The following PIEZO2 variants were observed in gnomAD, a reference collection of about 807,000 sequenced individuals.
The protein encoded by PIEZO2 is piezo type mechanosensitive ion channel component 2, also known as piezo-type mechanosensitive ion channel component 2.
PIEZO2 carries 172 observed loss-of-function variants against 337.3 expected under a neutral mutation model. That is an observed-to-expected ratio of 0.51 (90% CI 0.45 to 0.58). The LOEUF (loss-of-function observed/expected upper bound fraction) is 0.58. PIEZO2 is among the 20% of genes least tolerant of loss of function. The probability of loss-of-function intolerance (pLI) is 0.00; values close to 1 mark genes in which losing one functional copy is unlikely to be tolerated. For missense variants in PIEZO2, 3,028 were observed against 3,391.3 expected, an observed-to-expected ratio of 0.89 and a Z score of 2.66; for synonymous variants, 1,251 against 1,228.5, an observed-to-expected ratio of 1.02 and a Z score of -0.38.
intron 18 of PIEZO2, 76 bp from the exon 19 acceptor site, chr18:10,774,114 C>T: frequency 2.9e-6 from 2 of 697,526 alleles, no homozygotes; most frequent in South Asian, 1.5e-5. Context: ...TCAGAGATCA[C>T]ATATCATGCT....
chr18:11,043,703 T>G (rs2037200046), intron 2 of PIEZO2, among the ~76,000 whole-genome samples: 1 of 152,166 alleles, frequency 6.6e-6, no homozygotes, highest in African/African-American at 2.4e-5. Context: ...TACTGATTTT[T>G]TTTTTTCTTG....
At chr18:10,927,311 C>CT (rs2031803523) in intron 3 of PIEZO2, among the ~76,000 whole-genome samples, 1 of 152,156 alleles carries the variant, frequency 6.6e-6, no homozygotes, top group African/African-American at 2.4e-5. Flanking sequence ...GAGGAGGACT[C>CT]TGATTTACGC....
chr18:10,918,471 C>T (rs779097711), intron 3 of PIEZO2, among the ~76,000 whole-genome samples: 7 of 151,786 alleles, frequency 4.6e-5, no homozygotes, highest in Non-Finnish European at 1.0e-4. Context: ...TTTATCAGTT[C>T]TTTTCATAAT....
chr18:11,079,467 G>A (rs922450818), intron 1 of PIEZO2, among the ~76,000 whole-genome samples: 2 of 152,110 alleles, frequency 1.3e-5, no homozygotes, highest in Non-Finnish European at 2.9e-5. Context: ...AAGCAACAAC[G>A]TACCCTTTTA....
chr18:11,116,381 C>T lies in PIEZO2; in HGVS notation c.64+32144G>A, dbSNP rs78510807. Among the ~76,000 whole-genome samples the T allele has an allele frequency of 8.1e-3, 1,236 of 152,144 alleles. 16 individuals are homozygous for T. The highest frequency in any genetic ancestry group is 0.028 in the African/African-American group (1,161 of 41,514). On this transcript the variant is annotated intron_variant, in intron 1 of 55. Coordinates refer to ENST00000674853, the MANE Select transcript of PIEZO2 (RefSeq NM_001378183.1). The surrounding 1 kb of genome is among the most constrained non-coding windows in gnomAD (Gnocchi z 5.0). Reference sequence around the variant, plus strand: ...TGCCCAACGGTGTGAAAATGCACCTCGACAATGCTTGGGTGATCTGTTTCT... The same window carrying T: ...TGCCCAACGGTGTGAAAATGCACCTTGACAATGCTTGGGTGATCTGTTTCT...
Position 11,128,361 on chromosome 18 carries a change from G to T in PIEZO2, c.64+20164C>A, listed in dbSNP as rs2040244991. 6.6e-6 allele frequency among the ~76,000 whole-genome samples: 1 copy of T among 152,164 alleles called. No homozygotes were observed. ...CTCTTATCATGAGAGTGGCTGACCTGCAACGAAAGATACATGCACAGCCCC... is the reference window on the plus strand; with the variant it reads ...CTCTTATCATGAGAGTGGCTGACCTTCAACGAAAGATACATGCACAGCCCC... On this transcript the variant is annotated intron_variant, in intron 1 of 55. Transcript: ENST00000674853. The surrounding 1 kb of genome is among the most constrained non-coding windows in gnomAD (Gnocchi z 4.1).
chr18:10,992,109 C>G (rs2035132866), intron 2 of PIEZO2, among the ~76,000 whole-genome samples: 2 of 152,008 alleles, frequency 1.3e-5, no homozygotes, highest in South Asian at 4.1e-4. Context: ...TGTTTAAGCT[C>G]TTTGTAGATT....
intron 1 of PIEZO2, among the ~76,000 whole-genome samples, chr18:11,091,910 C>T (rs2060699015): frequency 6.6e-6 from 1 of 152,218 alleles, no homozygotes; most frequent in African/African-American, 2.4e-5. Flanking sequence ...GGGCAAGGCT[C>T]CGCTTTCACA....
At position 10,759,475 on chromosome 18, in the gene PIEZO2, CACTT is replaced by C. The variant is rs2143842224; in HGVS notation, c.3757+3_3757+6del. ...GCACTCTGTGGCCCTGCAGTGGAAA[CACTT>C]ACAGACGAGAAACACAGGGTTGGGC... On this transcript the variant is annotated splice_donor_5th_base_variant and intron_variant, in intron 26 of 55. Coordinates refer to ENST00000674853, the MANE Select transcript of PIEZO2 (RefSeq NM_001378183.1). The surrounding 1 kb of genome is among the most constrained non-coding windows in gnomAD (Gnocchi z 5.5). 6.5e-7 allele frequency: 1 copy of C among 1,534,378 alleles called. No homozygotes were observed. The highest frequency in any genetic ancestry group is 8.7e-7 in the Non-Finnish European group (1 of 1,144,872).
chr18:10,744,626 G>T (rs1258239014), intron 30 of PIEZO2, among the ~76,000 whole-genome samples: 3 of 152,156 alleles, frequency 2.0e-5, no homozygotes, highest in African/African-American at 7.2e-5. Context: ...GGTACAGTCA[G>T]ATTCATTTTC....
rs2039653182 is a variant in PIEZO2, at chr18:10,797,497, C to T, written c.1404G>A (p.Glu468=). 3 of 1,537,046 alleles carry T rather than the reference C, an allele frequency of 2.0e-6. No individual in the cohort carries two copies. The highest frequency in any genetic ancestry group is 2.6e-6 in the Non-Finnish European group (3 of 1,146,844). Residue 468 remains glutamate, a synonymous_variant, in exon 12 of 56, where the codon GAG becomes GAA. Transcript: ENST00000674853. ...SSEKREEEEE[E]KEEFEEERSR... is the part of the protein sequence containing the mutation. ...TCCTTTCTTCTTCAAATTCTTCTTTCTCTTCCTCTTCCTCCTCTCGCTTTT... is the reference window on the plus strand; with the variant it reads ...TCCTTTCTTCTTCAAATTCTTCTTTTTCTTCCTCTTCCTCCTCTCGCTTTT...
chr18:11,086,185 G>A (rs1269351190), intron 1 of PIEZO2, among the ~76,000 whole-genome samples: 19 of 152,008 alleles, frequency 1.2e-4, no homozygotes, highest in Admixed American at 1.2e-3. Flanking sequence ...TTTTTAAAAC[G>A]GTGTCTTATT....
Position 11,048,206 on chromosome 18 carries a change from A to T in PIEZO2, c.160+17921T>A, listed in dbSNP as rs2037390017. Reference sequence around the variant, plus strand: ...CCCTTAAGGGCACAAAATACTGGCAAGCAAAAATGCAGAAAATAAATCTAG... The same window carrying T: ...CCCTTAAGGGCACAAAATACTGGCATGCAAAAATGCAGAAAATAAATCTAG... On this transcript the variant is annotated intron_variant, in intron 2 of 55. Coordinates refer to ENST00000674853, the MANE Select transcript of PIEZO2 (RefSeq NM_001378183.1). The surrounding 1 kb of genome is among the most constrained non-coding windows in gnomAD (Gnocchi z 4.5). Among the ~76,000 whole-genome samples the T allele has an allele frequency of 6.6e-6, 1 of 152,232 alleles. No homozygotes were observed. Among genetic ancestry groups the T allele is most frequent in the Non-Finnish European group, 1.5e-5 (1 of 68,040 alleles).
At chr18:10,695,064 A>G (rs999647767) in intron 47 of PIEZO2, among the ~76,000 whole-genome samples, 1 of 152,214 alleles carries the variant, frequency 6.6e-6, no homozygotes, top group Admixed American at 6.5e-5. Flanking sequence ...ACAAGGCCAC[A>G]TTCACCTTCT....
intron 4 of PIEZO2, among the ~76,000 whole-genome samples, chr18:10,881,845 T>G (rs2042428712): frequency 6.6e-6 from 1 of 152,064 alleles, no homozygotes; most frequent in African/African-American, 2.4e-5. Context: ...AAATCCAAAG[T>G]CCTCCCTCAG....
chr18:10,862,326 G>A lies in PIEZO2; in HGVS notation c.493-5115C>T, dbSNP rs1395102736. Among the ~76,000 whole-genome samples the A allele has an allele frequency of 6.6e-6, 1 of 151,612 alleles. No homozygotes were observed. Among genetic ancestry groups the A allele is most frequent in the African/African-American group, 2.4e-5 (1 of 41,244 alleles). On this transcript the variant is annotated intron_variant, in intron 5 of 55. Transcript: ENST00000674853. This position sits in a 1 kb window ranked among gnomAD's most constrained non-coding sequence, Gnocchi z 4.4. ...TGTAAGATCTCTCATTTCACATAAG[G>A]AAACTTTAGGTGCTATGGAATCAAC...
At chr18:10,959,307 T>G (rs1267709061) in intron 3 of PIEZO2, among the ~76,000 whole-genome samples, 4 of 152,194 alleles carry the variant, frequency 2.6e-5, no homozygotes, top group African/African-American at 7.2e-5. Flanking sequence ...TTTATAGAGA[T>G]TTCATCAAAA....
intron 41 of PIEZO2, among the ~76,000 whole-genome samples, chr18:10,705,063 C>CTA (rs201379444): frequency 0.014 from 2,145 of 152,220 alleles, 59 homozygotes; most frequent in African/African-American, 0.048. Flanking sequence ...TCCCGGCTTC[C>CTA]TGTTTTTCCT....
At chr18:10,762,731 G>A in intron 22 of PIEZO2, 106 bp from the exon 23 acceptor site, 1 of 1,387,822 alleles carries the variant, frequency 7.2e-7, no homozygotes, top group Non-Finnish European at 9.6e-7. Flanking sequence ...TAGGATGGGA[G>A]GGACAGGCCC....
Sources: gnomAD v4.1 joint callset for allele counts (sites outside exome capture counted in the v4.1 genomes callset) on GRCh38, gnomAD v4.1.1 for gene constraint, Gnocchi (gnomAD v3.1) non-coding constraint, MANE v1.5 for transcripts, NCBI Gene and HGNC (gene_info 2026-07-23, HGNC 2026-07-21) for gene names.